DST: variants seen among roughly 807,000 people sequenced by gnomAD.
DST encodes the protein dystonin, also known as bullous pemphigoid antigen.
A neutral mutation model predicts 875.2 loss-of-function variants in DST; 253 were observed. The observed-to-expected ratio is 0.29, with a 90% confidence interval of 0.26 to 0.32. DST has a LOEUF of 0.32. Ranked by LOEUF, DST falls within the 10% of genes least tolerant of loss-of-function variation. The pLI, the probability that DST is intolerant of heterozygous loss-of-function variation, is 1.00. For missense variants in DST, 8,287 were observed against 9,111.6 expected (o/e 0.91, Z 3.68); for synonymous variants, 3,124 against 3,197.1 (o/e 0.98, Z 0.77).
At chr6:56,827,335 G>A (rs948926351) in intron 4 of DST, among the ~76,000 whole-genome samples, 3 of 151,982 alleles carry the variant, frequency 2.0e-5, no homozygotes, top group African/African-American at 7.2e-5. Flanking sequence ...CCAACATGGT[G>A]AAACCCCGTC....
chr6:56,584,307 A>C (rs561420918), intron 49 of DST, among the ~76,000 whole-genome samples: 2 of 152,056 alleles, frequency 1.3e-5, no homozygotes, highest in East Asian at 3.9e-4. Flanking sequence ...GAGGTCCTTC[A>C]CGTCCCTTGT....
At chr6:56,681,515 G>C (rs920041106) in intron 9 of DST, among the ~76,000 whole-genome samples, 1 of 152,150 alleles carries the variant, frequency 6.6e-6, no homozygotes, top group Non-Finnish European at 1.5e-5. Flanking sequence ...AGCTGATTCT[G>C]CCTCAGGGGT....
chr6:56,617,437 A>T, intron 36 of DST: 1 of 1,594,534 alleles, frequency 6.3e-7, no homozygotes, highest in Non-Finnish European at 8.6e-7. Flanking sequence ...GGAATTTATA[A>T]AATGTTAAAA....
At chr6:56,760,874 T>C (rs1360264100) in intron 4 of DST, among the ~76,000 whole-genome samples, 2 of 152,202 alleles carry the variant, frequency 1.3e-5, no homozygotes, top group African/African-American at 2.4e-5. Context: ...CAAAAAAAAG[T>C]GTAGTGAAAC....
intron 50 of DST, among the ~76,000 whole-genome samples, chr6:56,576,830 C>T (rs975162056): frequency 4.6e-5 from 7 of 152,054 alleles, no homozygotes; most frequent in Admixed American, 2.6e-4. Context: ...CACCAGAACC[C>T]GACCATACTG....
intron 2 of DST, among the ~76,000 whole-genome samples, chr6:56,940,521 A>C (rs1324560041): frequency 6.6e-6 from 1 of 151,920 alleles, no homozygotes; most frequent in Non-Finnish European, 1.5e-5. Context: ...CATTTAATCT[A>C]ATTTGTCACT....
intron 50 of DST, among the ~76,000 whole-genome samples, chr6:56,577,270 A>AATAC (rs2097884965): frequency 1.3e-5 from 2 of 152,224 alleles, no homozygotes; most frequent in African/African-American, 2.4e-5. Flanking sequence ...CGAGTAACAT[A>AATAC]AATACAAATA....
Position 56,515,577 on chromosome 6 carries a change from A to C in DST, c.18449T>G (p.Val6150Gly). ...YLQLERAQSLVNQFWETYEEL... is the reference protein window; with the variant it reads ...YLQLERAQSLGNQFWETYEEL... The stretch of plus-strand genomic sequence containing the variant: ...TTCATATGTTTCCCAGAATTGGTTA[A>C]CCAGGGACTGTGCCCGTTCCAGCTG... The change falls in exon 72 of 104, where the codon GTT (valine) becomes GGT (glycine). Residue 6150 changes from valine to glycine, a missense_variant. Transcript: ENST00000680361. The C allele has an allele frequency of 6.2e-7, 1 of 1,613,928 alleles. No homozygotes were observed.
chr6:56,510,119 A>G lies in DST; in HGVS notation c.18781-246T>C, dbSNP rs562884847. 5.3e-5 allele frequency among the ~76,000 whole-genome samples: 8 copies of G among 152,272 alleles called. No individual in the cohort carries two copies. The East Asian group carries it at 1.5e-3, about 29-fold the overall frequency. ...AGACTTAGTTTCTTATGAATATTTG[A>G]GTGTATCCATTAAGAAATGGTATAT... On this transcript the variant is annotated intron_variant, in intron 73 of 103. Transcript: ENST00000680361.
In DST at chr6:56,501,630, G is replaced by A. The variant is rs1314348115; in HGVS notation, c.19630C>T (p.Leu6544Phe). ...TCTTCTGTTACTTTCTTTAGCAAAA[G>A]CTCTGCTTGATGATTCAGTCTTTCC... Reference protein sequence around the residue: ...EMERLNHQAELLLKKVTEESD... With the variant: ...EMERLNHQAEFLLKKVTEESD... The change falls in exon 79 of 104, where the codon CTT (leucine) becomes TTT (phenylalanine). Residue 6544 changes from leucine (L) to phenylalanine (F), a missense_variant. Leu to Phe is a conservative substitution (Grantham distance 22). This residue lies in a region of DST where 1,292 missense variants were observed against 1,552.7 expected (regional missense o/e 0.83). Transcript: ENST00000680361. The A allele has an allele frequency of 5.6e-6, 9 of 1,608,944 alleles. No homozygotes were observed. The highest frequency in any genetic ancestry group is 6.8e-6 in the Non-Finnish European group (8 of 1,177,902).
chr6:56,843,012 G>A (rs748115557), intron 4 of DST: 1 of 1,374,880 alleles, frequency 7.3e-7, no homozygotes, highest in Non-Finnish European at 9.6e-7. Context: ...TTGCCTCTCT[G>A]ATCAGTGCCA....
In DST at chr6:56,530,023, G is replaced by A. The variant is rs1178660270; in HGVS notation, c.17219C>T (p.Pro5740Leu). ...TIEKRLVNCE[P>L]IGTQASKLEE... ...AAGTTTAGATGCTTGGGTTCCTATG[G>A]GTTCACAATTCACCAGCCTCTTTTC... is the stretch of plus-strand genomic sequence containing the variant. Residue 5740 changes from proline to leucine, a missense_variant, in exon 65 of 104, where the codon CCC becomes CTC. Transcript: ENST00000680361. The A allele has an allele frequency of 1.2e-6, 2 of 1,612,946 alleles. No homozygotes were observed. The highest frequency in any genetic ancestry group is 8.5e-7 in the Non-Finnish European group (1 of 1,179,582).
intron 85 of DST, among the ~76,000 whole-genome samples, chr6:56,491,516 T>C (rs1047010810): frequency 6.6e-6 from 1 of 152,186 alleles, no homozygotes; most frequent in Non-Finnish European, 1.5e-5. Context: ...TACCTCTTTG[T>C]GTTTAGTCTA....
intron 33 of DST, 43 bp downstream of exon 33, chr6:56,627,955 CA>C: frequency 6.3e-7 from 1 of 1,575,978 alleles, no homozygotes; most frequent in Non-Finnish European, 8.7e-7. Flanking sequence ...CATGACTGAC[CA>C]AATGCAGACA....
At chr6:56,850,837 G>A (rs1159426986) in intron 4 of DST, among the ~76,000 whole-genome samples, 1 of 152,216 alleles carries the variant, frequency 6.6e-6, no homozygotes, top group African/African-American at 2.4e-5. Flanking sequence ...TCAGGAAGGC[G>A]TGATGGCCAA....
intron 9 of DST, among the ~76,000 whole-genome samples, chr6:56,697,572 T>C (rs1248674055): frequency 6.6e-6 from 1 of 152,154 alleles, no homozygotes; most frequent in African/African-American, 2.4e-5. Context: ...CACATTTTTT[T>C]TTAAGCTCAA....
At chr6:56,824,137 T>TCA (rs1562027682) in intron 4 of DST, among the ~76,000 whole-genome samples, 1 of 152,154 alleles carries the variant, frequency 6.6e-6, no homozygotes, top group African/African-American at 2.4e-5. Context: ...GCCTGCCGAG[T>TCA]GCCTGCGATT....
intron 4 of DST, among the ~76,000 whole-genome samples, chr6:56,773,550 G>A (rs1431934680): frequency 1.3e-5 from 2 of 152,118 alleles, no homozygotes; most frequent in East Asian, 3.9e-4. Flanking sequence ...TGGGGAGGTT[G>A]GGGACAGTGG....
intron 4 of DST, among the ~76,000 whole-genome samples, chr6:56,818,319 G>A (rs34520435): frequency 0.18 from 27,511 of 151,986 alleles, 2,814 homozygotes; most frequent in African/African-American, 0.23. Flanking sequence ...AGCAGGGGGG[G>A]AACTAAGGTT....
Sources: allele counts gnomAD v4.1 joint callset (sites outside exome capture counted in the v4.1 genomes callset), GRCh38; gene constraint gnomAD v4.1.1; regional missense constraint gnomAD v4.1.1; transcripts MANE v1.5; gene names NCBI Gene and HGNC (gene_info 2026-07-23, HGNC 2026-07-21).